The following MAGI2 variants were observed in gnomAD, a reference collection of about 807,000 sequenced individuals.
MAGI2 encodes membrane associated guanylate kinase, WW and PDZ domain containing 2.
Under a neutral mutation model 133.3 loss-of-function variants are expected in MAGI2, and 35 were observed. That is an observed-to-expected ratio of 0.26 (90% CI 0.20 to 0.35). The LOEUF (loss-of-function observed/expected upper bound fraction) is 0.35, where lower values mean the gene tolerates loss of function less well. MAGI2 is among the 10% of genes least tolerant of loss of function. The pLI, the probability that MAGI2 is intolerant of heterozygous loss-of-function variation, is 1.00. For synonymous variants in MAGI2, 729 were observed against 710.6 expected, an observed-to-expected ratio of 1.03 and a Z score of -0.41; for missense variants, 1,636 against 1,863.4, an observed-to-expected ratio of 0.88 and a Z score of 2.25.
chr7:78,893,446 C>T (rs1000896535), intron 2 of MAGI2, among the ~76,000 whole-genome samples: 2 of 152,044 alleles, frequency 1.3e-5, no homozygotes, highest in Non-Finnish European at 2.9e-5. Flanking sequence ...TTTATTGCGG[C>T]ACTATTCACA....
chr7:78,019,132 C>G lies in MAGI2; in HGVS notation c.*183G>C, dbSNP rs1808022233. On this transcript the variant is annotated 3_prime_UTR_variant, in exon 22 of 22. Transcript: ENST00000354212. ...CGGGGGCTTTAGGATCAGTTTAGGTCTGCGCGTTGATGCGATGCCGCCCAA... is the reference window on the plus strand; with the variant it reads ...CGGGGGCTTTAGGATCAGTTTAGGTGTGCGCGTTGATGCGATGCCGCCCAA... 3.0e-6 allele frequency: 2 copies of G among 656,404 alleles called. No homozygotes were observed. Among genetic ancestry groups the G allele is most frequent in the South Asian group, 4.1e-5 (2 of 49,134 alleles). The allele number at this position is 656,404 out of a possible 1,614,324, so 40.7% of individuals were successfully genotyped here. A position where few individuals can be genotyped will look rare whatever the true frequency, so the allele number is the denominator to read the frequency against.
intron 1 of MAGI2, among the ~76,000 whole-genome samples, chr7:79,258,134 G>T (rs149537562): frequency 2.7e-4 from 41 of 152,290 alleles, no homozygotes; most frequent in African/African-American, 8.2e-4. Context: ...GGGGTTGTAT[G>T]TCAGGGGTCA....
At chr7:79,110,360 G>A (rs1818827716) in intron 1 of MAGI2, among the ~76,000 whole-genome samples, 1 of 152,192 alleles carries the variant, frequency 6.6e-6, no homozygotes, top group South Asian at 2.1e-4. Context: ...GGCCTTGGGA[G>A]CCTACCCTTG....
intron 5 of MAGI2, among the ~76,000 whole-genome samples, chr7:78,500,634 T>C (rs1208133517): frequency 6.6e-6 from 1 of 152,128 alleles, no homozygotes. Flanking sequence ...AAAGATTAGG[T>C]TGAGTATTAC....
chr7:78,896,191 T>C (rs1328431559), intron 2 of MAGI2, among the ~76,000 whole-genome samples: 1 of 152,172 alleles, frequency 6.6e-6, no homozygotes, highest in Non-Finnish European at 1.5e-5. Flanking sequence ...ATTTCCTGCA[T>C]TTCTTTGAGC....
intron 10 of MAGI2, among the ~76,000 whole-genome samples, chr7:78,226,748 C>T (rs893926274): frequency 2.6e-5 from 4 of 152,148 alleles, no homozygotes; most frequent in Non-Finnish European, 4.4e-5. Context: ...TATATATGTA[C>T]GTATTTCTCT....
At chr7:79,113,926 G>A (rs1428911042) in intron 1 of MAGI2, among the ~76,000 whole-genome samples, 1 of 152,068 alleles carries the variant, frequency 6.6e-6, no homozygotes, top group African/African-American at 2.4e-5. Context: ...CAGAGGCCCT[G>A]ACCATGGAAC....
chr7:78,067,057 A>G (rs1213137513), intron 21 of MAGI2, among the ~76,000 whole-genome samples: 2 of 152,226 alleles, frequency 1.3e-5, no homozygotes, highest in Admixed American at 6.5e-5. Flanking sequence ...GCGGAGCCCT[A>G]ACACCTCGAG....
chr7:79,008,581 T>C (rs537290782), intron 1 of MAGI2, among the ~76,000 whole-genome samples: 1 of 152,294 alleles, frequency 6.6e-6, no homozygotes, highest in East Asian at 1.9e-4. Flanking sequence ...TATAATATGA[T>C]AGTGGAAATC....
intron 21 of MAGI2, among the ~76,000 whole-genome samples, chr7:78,070,135 G>C (rs1359051339): frequency 8.2e-6 from 1 of 121,830 alleles, no homozygotes; most frequent in East Asian, 2.9e-4. Flanking sequence ...ACATATATGT[G>C]TGTGTATATA....
At chr7:78,239,268 C>T (rs1343071102) in intron 10 of MAGI2, among the ~76,000 whole-genome samples, 1 of 152,018 alleles carries the variant, frequency 6.6e-6, no homozygotes, top group Non-Finnish European at 1.5e-5. Flanking sequence ...CTCAAAATGG[C>T]TCAAAGACTT....
At chr7:78,401,934 T>TG (rs1796908152) in intron 6 of MAGI2, among the ~76,000 whole-genome samples, 1 of 151,876 alleles carries the variant, frequency 6.6e-6, no homozygotes, top group Non-Finnish European at 1.5e-5. Context: ...AAATGGCTTT[T>TG]TTTTTCAATG....
rs62468575 is a variant in MAGI2, at chr7:78,521,252, T to A, written c.754+178A>T. 0.076 allele frequency among the ~76,000 whole-genome samples: 11,611 copies of A among 152,108 alleles called. 562 individuals are homozygous for A. The highest frequency in any genetic ancestry group is 0.11 in the Non-Finnish European group (7,583 of 67,940). Reference sequence around the variant, plus strand: ...TCCTTTCCATTTGATATCATAATCTTCTCTCTTTGAAGATAATTATAATAA... The same window carrying A: ...TCCTTTCCATTTGATATCATAATCTACTCTCTTTGAAGATAATTATAATAA... On this transcript the variant is annotated intron_variant, in intron 4 of 21. Transcript: ENST00000354212.
chr7:78,881,042 C>A (rs903275875), intron 2 of MAGI2, among the ~76,000 whole-genome samples: 11 of 152,066 alleles, frequency 7.2e-5, no homozygotes, highest in Admixed American at 3.3e-4. Flanking sequence ...TATATATGCA[C>A]CCAACATTGG....
intron 3 of MAGI2, among the ~76,000 whole-genome samples, chr7:78,527,493 G>A (rs971077223): frequency 6.6e-6 from 1 of 152,128 alleles, no homozygotes; most frequent in African/African-American, 2.4e-5. Context: ...CGATTTCAAC[G>A]AATTTAAACT....
chr7:78,973,203 C>T (rs1184887242), intron 2 of MAGI2, among the ~76,000 whole-genome samples: 16 of 151,934 alleles, frequency 1.1e-4, no homozygotes, highest in Admixed American at 9.2e-4. Flanking sequence ...AGCACATTTT[C>T]CACTCCATTT....
chr7:78,868,488 G>T (rs757467166), intron 2 of MAGI2, among the ~76,000 whole-genome samples: 1 of 152,032 alleles, frequency 6.6e-6, no homozygotes, highest in Non-Finnish European at 1.5e-5. Context: ...AAAGGCAAAA[G>T]AAAAATTCTT....
chr7:79,430,337 T>G (rs1217712016), intron 1 of MAGI2, among the ~76,000 whole-genome samples: 3 of 152,198 alleles, frequency 2.0e-5, no homozygotes, highest in African/African-American at 7.2e-5. Flanking sequence ...AAAGTCAGCA[T>G]ATAATTTAAT....
chr7:78,051,013 C>T (rs1301707417), intron 21 of MAGI2, among the ~76,000 whole-genome samples: 1 of 152,212 alleles, frequency 6.6e-6, no homozygotes, highest in Non-Finnish European at 1.5e-5. Flanking sequence ...TGGCAAAGGC[C>T]AACCCCCACC....
Sources: allele counts gnomAD v4.1 joint callset (sites outside exome capture counted in the v4.1 genomes callset), GRCh38; gene constraint gnomAD v4.1.1; transcripts MANE v1.5; gene names NCBI Gene and HGNC (gene_info 2026-07-23, HGNC 2026-07-21).